Variants in TRIM2 observed in about 807,000 individuals in gnomAD.
TRIM2 encodes the protein tripartite motif-containing protein 2.
Under a neutral mutation model 75.2 loss-of-function variants are expected in TRIM2, and 20 were observed. That is an observed-to-expected ratio of 0.27 (90% CI 0.19 to 0.39). TRIM2 has a LOEUF of 0.39. TRIM2 is among the 10% of genes least tolerant of loss of function. The pLI, the probability that TRIM2 is intolerant of heterozygous loss-of-function variation, is 1.00. For missense variants in TRIM2, 660 were observed against 990.8 expected (o/e 0.67, Z 4.48); for synonymous variants, 373 against 388.3 (o/e 0.96, Z 0.46).
chr4:153,328,714 T>C, intron 11 of TRIM2, 44 bp downstream of exon 11: 1 of 1,504,580 alleles, frequency 6.6e-7, no homozygotes, highest in South Asian at 1.4e-5. Context: ...GTTTGGTATT[T>C]GTTAAAAGTG....
intron 6 of TRIM2, among the ~76,000 whole-genome samples, chr4:153,311,348 T>G (rs78034937): frequency 6.6e-6 from 1 of 150,700 alleles, no homozygotes; most frequent in African/African-American, 2.5e-5. Context: ...ATTTTCTCTG[T>G]TTTTTTTTCT....
chr4:153,222,058 A>G (rs57689290), intron 1 of TRIM2, among the ~76,000 whole-genome samples: 6,530 of 38,850 alleles, frequency 0.17, 266 homozygotes, highest in East Asian at 0.31. Flanking sequence ...GGGAGGGAGG[A>G]AGGAAGGAAG....
chr4:153,310,343 TAGAG>T lies in TRIM2; in HGVS notation c.1511-5134_1511-5131del, dbSNP rs753566893. On this transcript the variant is annotated intron_variant, in intron 6 of 11. Coordinates refer to ENST00000338700, the MANE Select transcript of TRIM2 (RefSeq NM_015271.5). ...TTTTTATTATATATTTAGAATACTTTAGAGAGAGAGAAGAGACTTTCTACAAATG... is the reference window on the plus strand; with the variant it reads ...TTTTTATTATATATTTAGAATACTTTAGAGAGAAGAGACTTTCTACAAATG... 10 of 152,146 alleles carry T rather than the reference TAGAG, an allele frequency of 6.6e-5. No homozygotes were observed. In the East Asian group the frequency reaches 1.9e-3, roughly 29 times the overall value. The allele number at this position is 152,146 out of a possible 1,614,324, so 9.4% of individuals were successfully genotyped here.
At chr4:153,251,191 C>G (rs1402016113) in intron 1 of TRIM2, among the ~76,000 whole-genome samples, 2 of 152,248 alleles carry the variant, frequency 1.3e-5, no homozygotes, top group African/African-American at 2.4e-5. Context: ...AAACCTCCCC[C>G]ACAGCCACTA....
chr4:153,223,017 G>T, intron 1 of TRIM2: 1 of 152,398 alleles, frequency 6.6e-6, no homozygotes, highest in Non-Finnish European at 1.5e-5. Context: ...CGCTGTTCCC[G>T]CGAAGCGAGT....
intron 1 of TRIM2, among the ~76,000 whole-genome samples, chr4:153,196,031 A>G (rs1391446825): frequency 6.6e-6 from 1 of 152,190 alleles, no homozygotes; most frequent in Non-Finnish European, 1.5e-5. Context: ...GCTAGTCTTG[A>G]ACACCTGGCC....
chr4:153,163,727 C>G (rs1056662507), intron 1 of TRIM2, among the ~76,000 whole-genome samples: 6 of 151,628 alleles, frequency 4.0e-5, no homozygotes, highest in African/African-American at 9.7e-5. Flanking sequence ...GTCTCGAACT[C>G]CTGACCTCAG....
chr4:153,287,995 G>A (rs565595903), intron 3 of TRIM2, among the ~76,000 whole-genome samples: 7 of 152,030 alleles, frequency 4.6e-5, no homozygotes, highest in Non-Finnish European at 7.4e-5. Flanking sequence ...TGTATTTCTG[G>A]TAATGTGTTA....
chr4:153,209,170 A>G (rs1247262584), intron 1 of TRIM2, among the ~76,000 whole-genome samples: 1 of 152,228 alleles, frequency 6.6e-6, no homozygotes, highest in East Asian at 1.9e-4. Context: ...GGTGCACCCA[A>G]TGCCTCCCTA....
At chr4:153,168,478 C>A in intron 1 of TRIM2, among the ~76,000 whole-genome samples, 1 of 151,596 alleles carries the variant, frequency 6.6e-6, no homozygotes. Context: ...AAAAAGTGAC[C>A]AAAGATAGGC....
rs558246376 is a variant in TRIM2, at chr4:153,333,669, C to T, written c.2164-1145C>T. Reference sequence around the variant, plus strand: ...AACATATAATCAGCCCCCCGTACCCCCAAATCTCACATTTGTGAATTCAAC... The same window carrying T: ...AACATATAATCAGCCCCCCGTACCCTCAAATCTCACATTTGTGAATTCAAC... On this transcript the variant is annotated intron_variant, in intron 11 of 11. Coordinates refer to ENST00000338700, the MANE Select transcript of TRIM2 (RefSeq NM_015271.5). 7.2e-5 allele frequency among the ~76,000 whole-genome samples: 11 copies of T among 152,152 alleles called. No individual in the cohort carries two copies. The South Asian group carries it at 1.9e-3, about 26-fold the overall frequency.
At chr4:153,195,850 C>T (rs958177876) in intron 1 of TRIM2, among the ~76,000 whole-genome samples, 10 of 152,044 alleles carry the variant, frequency 6.6e-5, no homozygotes, top group African/African-American at 1.2e-4. Flanking sequence ...CTTGCTTTGT[C>T]GCCCAGGCTG....
chr4:153,326,606 T>C (rs939140577), intron 10 of TRIM2, among the ~76,000 whole-genome samples: 2 of 152,204 alleles, frequency 1.3e-5, no homozygotes, highest in African/African-American at 4.8e-5. Flanking sequence ...TAAGACTAGA[T>C]TTGGCATCCT....
Position 153,250,876 on chromosome 4 carries a change from C to T in TRIM2, c.31-19459C>T, listed in dbSNP as rs1578986837. ...GAGCTGAAGGCAGATAACTCAGTCC[C>T]CAGGAGTGATTTTGAGAGGTTCTGT... On this transcript the variant is annotated intron_variant, in intron 1 of 11. Coordinates refer to ENST00000338700, the MANE Select transcript of TRIM2 (RefSeq NM_015271.5). Among the ~76,000 whole-genome samples the T allele has an allele frequency of 1.3e-5, 2 of 152,328 alleles. 1 individual carries two copies. Among genetic ancestry groups the T allele is most frequent in the African/African-American group, 4.8e-5 (2 of 41,580 alleles).
intron 8 of TRIM2, 130 bp from the exon 9 acceptor site, chr4:153,322,518 T>C (rs897775981): frequency 8.9e-6 from 8 of 900,852 alleles, no homozygotes; most frequent in Admixed American, 3.1e-5. Context: ...CATTGTGATA[T>C]ATGAGTAGCT....
At chr4:153,315,358 T>G (rs1030575477) in intron 6 of TRIM2, 127 bp from the exon 7 acceptor site, 2 of 711,832 alleles carry the variant, frequency 2.8e-6, no homozygotes, top group Non-Finnish European at 4.4e-6. Context: ...AGGGTGCCCT[T>G]TTTTTAAAGT....
chr4:153,162,628 C>A (rs1412917772), intron 1 of TRIM2, among the ~76,000 whole-genome samples: 1 of 152,222 alleles, frequency 6.6e-6, no homozygotes, highest in East Asian at 1.9e-4. Flanking sequence ...CTGGGCACTG[C>A]ATGGCTCAGG....
chr4:153,207,549 T>C (rs1246218155), intron 1 of TRIM2, among the ~76,000 whole-genome samples: 1 of 152,218 alleles, frequency 6.6e-6, no homozygotes, highest in African/African-American at 2.4e-5. Flanking sequence ...TATACAGCAC[T>C]CAGTGCACAG....
rs1270339068 is a variant in TRIM2, at chr4:153,337,437, A to T, written c.*2471A>T. On this transcript the variant is annotated 3_prime_UTR_variant, in exon 12 of 12. Transcript: ENST00000338700. Reference sequence around the variant, plus strand: ...TTGGCACAAACTGGAATGAAAGAATAGTTTGATTCAGACCTGCTCCACTAT... The same window carrying T: ...TTGGCACAAACTGGAATGAAAGAATTGTTTGATTCAGACCTGCTCCACTAT... The T allele has an allele frequency of 1.0e-6, 1 of 985,794 alleles. No homozygotes were observed. The highest frequency in any genetic ancestry group is 1.2e-6 in the Non-Finnish European group (1 of 829,942). 61.1% of individuals were successfully genotyped at this position (985,794 alleles called of 1,614,324 possible). A position where few individuals can be genotyped will look rare whatever the true frequency, so the allele number is the denominator to read the frequency against.
Sources: gnomAD v4.1 joint callset for allele counts (sites outside exome capture counted in the v4.1 genomes callset) on GRCh38, gnomAD v4.1.1 for gene constraint, MANE v1.5 for transcripts, NCBI Gene and HGNC (gene_info 2026-07-23, HGNC 2026-07-21) for gene names.